PPFIA4: variants seen among roughly 807,000 people sequenced by gnomAD.
The protein encoded by PPFIA4 is PPFI scaffold protein A4, also known as liprin-alpha-4.
In PPFIA4, 98 loss-of-function variants were observed where a neutral mutation model predicts 145.7. The ratio of observed to expected loss-of-function variants is 0.67; its 90% CI spans 0.57 to 0.80. PPFIA4 has a LOEUF of 0.80. PPFIA4 is among the 30% of genes least tolerant of loss of function. The pLI is 0.00. For synonymous variants in PPFIA4, 628 were observed against 649.6 expected (o/e 0.97, Z 0.51); for missense variants, 1,457 against 1,632.7 (o/e 0.89, Z 1.85).
In PPFIA4 at chr1:203,055,767, C is replaced by G; in HGVS notation, c.2070+95C>G. The G allele has an allele frequency of 6.5e-7, 1 of 1,547,638 alleles. No individual in the cohort carries two copies. The highest frequency in any genetic ancestry group is 8.8e-7 in the Non-Finnish European group (1 of 1,139,326). ...AGGACTCACGTGCTCTCAGCTGGGC[C>G]TGCCATCTTCTTCCCATGGTGTGTG... On this transcript the variant is annotated intron_variant, in intron 16 of 29. Coordinates refer to ENST00000295706, the MANE Select transcript of PPFIA4 (RefSeq NM_001304331.2). The surrounding 1 kb of genome is among the most constrained non-coding windows in gnomAD (Gnocchi z 4.8).
In PPFIA4 at chr1:203,061,024, A is replaced by C. The variant is rs760141778; in HGVS notation, c.2839A>C (p.Thr947Pro). The change falls in exon 23 of 30, where the codon ACT becomes CCT. Residue 947 changes from threonine to proline, a missense_variant. By Grantham distance (38) the Thr-to-Pro change is conservative. Around this residue, in one of 3 missense-constraint regions of PPFIA4, gnomAD observed 848 missense variants for 1,046.7 expected, o/e 0.81. Transcript: ENST00000295706. ...HEEMETLETS[T>P]KTDSEEGSWA... ...AGAGATGGAAACTCTGGAAACATCT[A>C]CTAAAACAGTGAGTCTGGCCCTTGG... 6.2e-7 allele frequency: 1 copy of C among 1,613,960 alleles called. No homozygotes were observed. The highest frequency in any genetic ancestry group is 2.2e-5 in the East Asian group (1 of 44,878).
chr1:203,041,341 C>T (rs1659682755), intron 2 of PPFIA4, among the ~76,000 whole-genome samples: 1 of 152,166 alleles, frequency 6.6e-6, no homozygotes, highest in South Asian at 2.1e-4. Context: ...CCTGTAATCC[C>T]AGCACTTCAG....
In PPFIA4 at chr1:203,055,587, C is replaced by A; in HGVS notation, c.1985C>A (p.Ser662Tyr). The change falls in exon 16 of 30, where the codon TCC becomes TAC. Residue 662 changes from serine to tyrosine, a missense_variant. By Grantham distance (144) the Ser-to-Tyr change is moderately radical. Coordinates refer to ENST00000295706, the MANE Select transcript of PPFIA4 (RefSeq NM_001304331.2). This position sits in a 1 kb window ranked among gnomAD's most constrained non-coding sequence, Gnocchi z 4.8. Reference sequence around the variant, plus strand: ...ACGGCCCTGTCCCTGGCCAGCGCGTCCCCACCACTCAGCGGCCGCTCCACA... The same window carrying A: ...ACGGCCCTGTCCCTGGCCAGCGCGTACCCACCACTCAGCGGCCGCTCCACA... ...SLTALSLASA[S>Y]PPLSGRSTPK... 6.2e-7 allele frequency: 1 copy of A among 1,614,016 alleles called. No homozygotes were observed. The highest frequency in any genetic ancestry group is 8.5e-7 in the Non-Finnish European group (1 of 1,179,876).
At chr1:203,052,819 TG>T in intron 14 of PPFIA4, among the ~76,000 whole-genome samples, 1 of 152,194 alleles carries the variant, frequency 6.6e-6, no homozygotes, top group Middle Eastern at 3.2e-3. Flanking sequence ...GTTTGTAGGA[TG>T]ATTTCAGAGA....
At chr1:203,066,139 G>A (rs1344609517) in intron 25 of PPFIA4, among the ~76,000 whole-genome samples, 1 of 152,226 alleles carries the variant, frequency 6.6e-6, no homozygotes, top group African/African-American at 2.4e-5. Flanking sequence ...GCTTTGAAAG[G>A]AACTGGACTG....
chr1:203,075,857 G>A lies in PPFIA4; in HGVS notation c.3574+100G>A. On this transcript the variant is annotated intron_variant, in intron 29 of 29. Coordinates refer to ENST00000295706, the MANE Select transcript of PPFIA4 (RefSeq NM_001304331.2). The surrounding 1 kb of genome is among the most constrained non-coding windows in gnomAD (Gnocchi z 4.1). ...CCGGGTGGAGAGGGGCGAGGCCGAG[G>A]CTGGTGCCCCGCGCTCCTGCGCTGC... 8.4e-7 allele frequency: 1 copy of A among 1,194,834 alleles called. No individual in the cohort carries two copies. The highest frequency in any genetic ancestry group is 1.1e-6 in the Non-Finnish European group (1 of 915,892). 74.0% of individuals were successfully genotyped at this position (1,194,834 alleles called of 1,614,324 possible).
rs148555034 is a variant in PPFIA4, at chr1:203,038,900, G to A, written c.-109G>A. The A allele has an allele frequency of 8.9e-4, 563 of 633,382 alleles. 1 individual carries two copies. Among genetic ancestry groups the A allele is most frequent in the African/African-American group, 8.4e-3 (457 of 54,122 alleles). 39.2% of individuals were successfully genotyped at this position (633,382 alleles called of 1,614,324 possible). On this transcript the variant is annotated 5_prime_UTR_variant, in exon 2 of 30. Transcript: ENST00000295706. ...GAAGCCCCTGCCCACCTGTCCACTCGCCTGGCACTGCCCACTCTGAGACCC... is the reference window on the plus strand; with the variant it reads ...GAAGCCCCTGCCCACCTGTCCACTCACCTGGCACTGCCCACTCTGAGACCC...
intron 25 of PPFIA4, among the ~76,000 whole-genome samples, chr1:203,066,602 C>T (rs2102684898): frequency 6.6e-6 from 1 of 152,262 alleles, no homozygotes; most frequent in South Asian, 2.1e-4. Context: ...GGCTCAGTGA[C>T]TACTCTGAAG....
In PPFIA4 at chr1:203,075,399, G is replaced by A. The variant is rs1171705250; in HGVS notation, c.3394-178G>A. ...GAATTTCAGAGTCGCAGGGTTTCCC[G>A]ATTCACTGTACAGATGGAAAAACTC... On this transcript the variant is annotated intron_variant, in intron 28 of 29. Coordinates refer to ENST00000295706, the MANE Select transcript of PPFIA4 (RefSeq NM_001304331.2). This position sits in a 1 kb window ranked among gnomAD's most constrained non-coding sequence, Gnocchi z 4.1. 6.7e-6 allele frequency among the ~76,000 whole-genome samples: 1 copy of A among 150,174 alleles called. No individual in the cohort carries two copies. The highest frequency in any genetic ancestry group is 2.2e-4 in the South Asian group (1 of 4,612).
rs755148934 is a variant in PPFIA4 at position 203,049,000 on chromosome 1, C to A, written c.1419+20C>A. 1.5e-5 allele frequency: 23 copies of A among 1,546,128 alleles called. No individual in the cohort carries two copies. Among genetic ancestry groups the A allele is most frequent in the Middle Eastern group, 2.1e-4 (1 of 4,792 alleles). On this transcript the variant is annotated intron_variant, in intron 12 of 29. Transcript: ENST00000295706. This position sits in a 1 kb window ranked among gnomAD's most constrained non-coding sequence, Gnocchi z 5.8. Reference sequence around the variant, plus strand: ...CACAAGGTACCCGGCTGCGGCCAGCCCCGCCCAGCCTGGGAGGGCCGGGTT... The same window carrying A: ...CACAAGGTACCCGGCTGCGGCCAGCACCGCCCAGCCTGGGAGGGCCGGGTT...
rs1195512885 is a variant in PPFIA4 at position 203,055,651 on chromosome 1, C to T, written c.2049C>T (p.Asp683=). The part of the protein sequence containing the change: ...LTSRSAAQDL[D]RMGVMTLPSD... Reference sequence around the variant, plus strand: ...CCCGCAGTGCTGCCCAGGACCTGGACCGAATGGGGGTCATGACCCTGGTGA... The same window carrying T: ...CCCGCAGTGCTGCCCAGGACCTGGATCGAATGGGGGTCATGACCCTGGTGA... The change falls in exon 16 of 30, where the codon GAC becomes GAT. Residue 683 remains aspartate, a synonymous_variant. Coordinates refer to ENST00000295706, the MANE Select transcript of PPFIA4 (RefSeq NM_001304331.2). The surrounding 1 kb of genome is among the most constrained non-coding windows in gnomAD (Gnocchi z 4.8). The T allele has an allele frequency of 1.9e-6, 3 of 1,613,954 alleles. No homozygotes were observed. The East Asian group carries it at 6.7e-5, about 36-fold the overall frequency.
chr1:203,038,370 G>A (rs747701683), intron 1 of PPFIA4, among the ~76,000 whole-genome samples: 1 of 152,210 alleles, frequency 6.6e-6, no homozygotes, highest in Non-Finnish European at 1.5e-5. Flanking sequence ...TGCCACTGCG[G>A]CTGCACTTCT....
At position 203,053,885 on chromosome 1, in the gene PPFIA4, C is replaced by G. The variant is rs199676790; in HGVS notation, c.1753C>G (p.Pro585Ala). Residue 585 changes from proline to alanine, a missense_variant, in exon 15 of 30, where the codon CCC (proline) becomes GCC (alanine). This residue lies in a region of PPFIA4 where 848 missense variants were observed against 1,046.7 expected (regional missense o/e 0.81). Transcript: ENST00000295706. ...GLVGSADVVS[P>A]SGHSDAQTLA... Reference sequence around the variant, plus strand: ...GGTGGGCTCTGCGGATGTTGTCTCCCCCAGCGGCCACTCAGATGCCCAGAC... The same window carrying G: ...GGTGGGCTCTGCGGATGTTGTCTCCGCCAGCGGCCACTCAGATGCCCAGAC... 52 of 1,562,754 alleles carry G rather than the reference C, an allele frequency of 3.3e-5. No individual in the cohort carries two copies. The African/African-American group carries it at 6.6e-4, about 20-fold the overall frequency.
At position 203,044,727 on chromosome 1, in the gene PPFIA4, G is replaced by T. The variant is rs759978415; in HGVS notation, c.608G>T (p.Arg203Leu). 2 of 1,563,374 alleles carry T rather than the reference G, an allele frequency of 1.3e-6. No individual in the cohort carries two copies. Among genetic ancestry groups the T allele is most frequent in the East Asian group, 4.7e-5 (2 of 42,342 alleles). Residue 203 changes from arginine to leucine, a missense_variant, in exon 6 of 30, where the codon CGG becomes CTG. Physicochemically the swap from Arg to Leu is moderately radical, Grantham distance 102 (BLOSUM62 -2). Transcript: ENST00000295706. ...GCCCTGCAGCAGGGGGCAGGGGTGC[G>T]GGATGGAGCGGCAGAAGAGGAGGGG... is the stretch of plus-strand genomic sequence containing the variant. ...VSALQQGAGV[R>L]DGAAEEEGTV...
rs1272528684 is a variant in PPFIA4 at position 203,045,447 on chromosome 1, T to G, written c.746T>G (p.Leu249Arg). The change falls in exon 7 of 30, where the codon CTG (leucine) becomes CGG (arginine). Residue 249 changes from leucine to arginine, a missense_variant. This residue lies in a region of PPFIA4 where 463 missense variants were observed against 459.8 expected (regional missense o/e 1.01). Coordinates refer to ENST00000295706, the MANE Select transcript of PPFIA4 (RefSeq NM_001304331.2). ...GAGTTGAGCCAGGCCCGGGAGCGAC[T>G]GGTCACCCTAACAACAACCGTGACT... is the stretch of plus-strand genomic sequence containing the variant. ...NFELSQARER[L>R]VTLTTTVTEL... 1 of 1,610,056 alleles carries G rather than the reference T, an allele frequency of 6.2e-7. No individual in the cohort carries two copies. Among genetic ancestry groups the G allele is most frequent in the Admixed American group, 1.7e-5 (1 of 59,600 alleles).
rs745574552 is a variant in PPFIA4, at chr1:203,045,872, G to A, written c.890G>A (p.Arg297Gln). ...GCCCAGAAGGAGGACATGGAAGAGC[G>A]GATTACTACACTGGAGAAGCGCTAC... ...ALAQKEDMEE[R>Q]ITTLEKRYLA... The change falls in exon 8 of 30, where the codon CGG becomes CAG. Residue 297 changes from arginine (R) to glutamine (Q), a missense_variant. Physicochemically the swap from Arg to Gln is conservative, Grantham distance 43. This residue lies in a region of PPFIA4 where 463 missense variants were observed against 459.8 expected (regional missense o/e 1.01). Transcript: ENST00000295706. The A allele has an allele frequency of 5.1e-5, 83 of 1,612,752 alleles. No individual in the cohort carries two copies. Among genetic ancestry groups the A allele is most frequent in the Admixed American group, 4.0e-4 (24 of 59,998 alleles).
At chr1:203,031,023 C>T (rs975068761) in intron 1 of PPFIA4, among the ~76,000 whole-genome samples, 1 of 152,170 alleles carries the variant, frequency 6.6e-6, no homozygotes, top group Non-Finnish European at 1.5e-5. Context: ...ATGACCATAC[C>T]TTTATACACA....
In PPFIA4 at chr1:203,043,900, C is replaced by T; in HGVS notation, c.337-31C>T. The T allele has an allele frequency of 6.4e-7, 1 of 1,564,070 alleles. No homozygotes were observed. The highest frequency in any genetic ancestry group is 8.7e-7 in the Non-Finnish European group (1 of 1,153,368). ...CCCTGGGGCACATGCTTACAGCCCTCCCTCTCACCCTCCCCTGCTCTCCCT... is the reference window on the plus strand; with the variant it reads ...CCCTGGGGCACATGCTTACAGCCCTTCCTCTCACCCTCCCCTGCTCTCCCT... On this transcript the variant is annotated intron_variant, in intron 3 of 29. Transcript: ENST00000295706. This position sits in a 1 kb window ranked among gnomAD's most constrained non-coding sequence, Gnocchi z 4.4.
intron 7 of PPFIA4, 104 bp downstream of exon 7, chr1:203,045,663 C>T: frequency 6.9e-7 from 1 of 1,452,812 alleles, no homozygotes; most frequent in Non-Finnish European, 9.2e-7. Context: ...GCCTCCTTGC[C>T]TGGCTCCATT....
Sources: gnomAD v4.1 joint callset for allele counts (sites outside exome capture counted in the v4.1 genomes callset) on GRCh38, gnomAD v4.1.1 for gene constraint, gnomAD v4.1.1 regional missense constraint, Gnocchi (gnomAD v3.1) non-coding constraint, MANE v1.5 for transcripts, NCBI Gene and HGNC (gene_info 2026-07-23, HGNC 2026-07-21) for gene names.